The following PCSK5 variants were observed in gnomAD, a reference collection of about 807,000 sequenced individuals.
PCSK5 encodes proprotein convertase subtilisin/kexin type 5.
Under a neutral mutation model 233.2 loss-of-function variants are expected in PCSK5, and 129 were observed. The observed-to-expected ratio is 0.55, with a 90% confidence interval of 0.48 to 0.64. The LOEUF (loss-of-function observed/expected upper bound fraction) is 0.64. Among genes scored for constraint, PCSK5 ranks in the 30% least tolerant of loss-of-function variants. PCSK5 has a pLI of 0.00. For missense variants in PCSK5, 2,076 were observed against 2,430.1 expected, an observed-to-expected ratio of 0.85 and a Z score of 3.06; for synonymous variants, 825 against 879.2, an observed-to-expected ratio of 0.94 and a Z score of 1.09.
At chr9:76,052,437 T>C (rs532795039) in intron 5 of PCSK5, among the ~76,000 whole-genome samples, 102 of 152,320 alleles carry the variant, frequency 6.7e-4, no homozygotes, top group African/African-American at 2.4e-3. Flanking sequence ...ATGTCTTACA[T>C]GGCAACAGGC....
intron 5 of PCSK5, among the ~76,000 whole-genome samples, chr9:76,049,230 C>T (rs1259697638): frequency 2.6e-5 from 4 of 152,138 alleles, no homozygotes; most frequent in Non-Finnish European, 4.4e-5. Flanking sequence ...TAAGCTCATG[C>T]AAATACCATC....
intron 10 of PCSK5, among the ~76,000 whole-genome samples, chr9:76,144,753 G>T (rs906497346): frequency 5.9e-5 from 9 of 152,200 alleles, no homozygotes; most frequent in African/African-American, 2.2e-4. Flanking sequence ...TTAATCTGCA[G>T]CCATTGCTTC....
chr9:76,170,848 T>A (rs1294252293), intron 13 of PCSK5, among the ~76,000 whole-genome samples: 3 of 152,176 alleles, frequency 2.0e-5, no homozygotes, highest in African/African-American at 7.2e-5. Flanking sequence ...TTTGCCAGAC[T>A]TTTGCCTGCC....
intron 8 of PCSK5, among the ~76,000 whole-genome samples, chr9:76,101,931 C>T (rs1015994061): frequency 6.6e-6 from 1 of 152,186 alleles, no homozygotes; most frequent in African/African-American, 2.4e-5. Flanking sequence ...TCCATTTCTT[C>T]TTTTGACTTA....
intron 1 of PCSK5, among the ~76,000 whole-genome samples, chr9:75,911,158 G>C (rs1433511553): frequency 8.1e-6 from 1 of 123,646 alleles, no homozygotes; most frequent in African/African-American, 3.0e-5. Context: ...CATGAAACAA[G>C]AACTATTTTG....
intron 2 of PCSK5, among the ~76,000 whole-genome samples, chr9:75,980,944 C>G (rs1231203144): frequency 5.9e-5 from 9 of 152,136 alleles, no homozygotes; most frequent in Admixed American, 5.9e-4. Flanking sequence ...AAACAACACC[C>G]AAGATGCTCT....
rs1564189490 is a variant in PCSK5, at chr9:76,338,343, T to C, written c.4862T>C (p.Leu1621Pro). The part of the protein sequence containing the change: ...CLSCDRFFFL[L>P]RSKGECHRSC... Reference sequence around the variant, plus strand: ...TCTTGCGATAGATTTTTCTTTCTGCTCCGCTCCAAAGGAGAGTGTCATCGC... The same window carrying C: ...TCTTGCGATAGATTTTTCTTTCTGCCCCGCTCCAAAGGAGAGTGTCATCGC... Residue 1621 changes from leucine to proline, a missense_variant, in exon 35 of 38, where the codon CTC becomes CCC. Physicochemically the swap from Leu to Pro is moderately conservative, Grantham distance 98 (BLOSUM62 -3). Around this residue, in one of 6 missense-constraint regions of PCSK5, gnomAD observed 1,510 missense variants for 1,538.1 expected, o/e 0.98. Transcript: ENST00000674117. 1 of 1,612,644 alleles carries C rather than the reference T, an allele frequency of 6.2e-7. No individual in the cohort carries two copies. The highest frequency in any genetic ancestry group is 8.5e-7 in the Non-Finnish European group (1 of 1,179,764).
chr9:75,891,058 G>C lies in PCSK5; in HGVS notation c.-124G>C, dbSNP rs983388548. On this transcript the variant is annotated 5_prime_UTR_variant, in exon 1 of 38. Coordinates refer to ENST00000674117, the MANE Select transcript of PCSK5 (RefSeq NM_001372043.1). ...GCTAGCCGCCTCCTGCCGATCGCCCGGGGCTGCGAGCTGCGGCGGCCCGGG... is the reference window on the plus strand; with the variant it reads ...GCTAGCCGCCTCCTGCCGATCGCCCCGGGCTGCGAGCTGCGGCGGCCCGGG... The C allele has an allele frequency of 2.3e-6, 2 of 885,056 alleles. No homozygotes were observed. The highest frequency in any genetic ancestry group is 3.1e-6 in the Non-Finnish European group (2 of 645,482). The allele number at this position is 885,056 out of a possible 1,614,324, so 54.8% of individuals were successfully genotyped here. A position where few individuals can be genotyped will look rare whatever the true frequency, so the allele number is the denominator to read the frequency against.
chr9:76,077,860 A>G (rs1291508382), intron 7 of PCSK5, among the ~76,000 whole-genome samples: 2 of 152,212 alleles, frequency 1.3e-5, no homozygotes, highest in East Asian at 1.9e-4. Context: ...CAGCACTACA[A>G]TGAACATATG....
At chr9:76,010,614 C>G (rs1366035837) in intron 3 of PCSK5, among the ~76,000 whole-genome samples, 1 of 152,162 alleles carries the variant, frequency 6.6e-6, no homozygotes, top group Non-Finnish European at 1.5e-5. Context: ...ACATCTTTCT[C>G]CACTTTTTCC....
chr9:75,939,470 G>A (rs538340267), intron 2 of PCSK5, among the ~76,000 whole-genome samples: 5 of 152,262 alleles, frequency 3.3e-5, no homozygotes, highest in African/African-American at 2.4e-5. Context: ...AAATTTTGGT[G>A]AGCCACAAAC....
intron 32 of PCSK5, among the ~76,000 whole-genome samples, chr9:76,324,437 G>A (rs1192825166): frequency 4.6e-5 from 7 of 151,692 alleles, no homozygotes; most frequent in African/African-American, 1.5e-4. Context: ...CACCATGTTG[G>A]CCAGGCTGGT....
intron 20 of PCSK5, among the ~76,000 whole-genome samples, chr9:76,198,511 G>T (rs1219893963): frequency 3.9e-5 from 6 of 152,122 alleles, no homozygotes; most frequent in Non-Finnish European, 8.8e-5. Flanking sequence ...AAGGGGTGTG[G>T]CTGGGACTCA....
chr9:76,317,590 G>A (rs1829068334), intron 30 of PCSK5, among the ~76,000 whole-genome samples: 1 of 152,214 alleles, frequency 6.6e-6, no homozygotes, highest in Admixed American at 6.5e-5. Flanking sequence ...TGGGTTATTT[G>A]TTGCAGTTCT....
At chr9:76,318,231 C>T (rs1340294801) in intron 30 of PCSK5, among the ~76,000 whole-genome samples, 1 of 152,066 alleles carries the variant, frequency 6.6e-6, no homozygotes, top group Non-Finnish European at 1.5e-5. Context: ...AAATCAAACA[C>T]TGCATGTTCT....
At chr9:76,198,538 A>G (rs1194065201) in intron 20 of PCSK5, among the ~76,000 whole-genome samples, 1 of 152,198 alleles carries the variant, frequency 6.6e-6, no homozygotes, top group African/African-American at 2.4e-5. Context: ...CAGCTTCAAC[A>G]TTCTGTACAA....
chr9:76,023,248 G>T (rs1828278893), intron 3 of PCSK5, among the ~76,000 whole-genome samples: 1 of 152,204 alleles, frequency 6.6e-6, no homozygotes, highest in Non-Finnish European at 1.5e-5. Context: ...TGGTGGCGGA[G>T]AGATTTCTGT....
At chr9:76,116,119 TA>T (rs1158689240) in intron 9 of PCSK5, among the ~76,000 whole-genome samples, 2 of 151,988 alleles carry the variant, frequency 1.3e-5, no homozygotes, top group Non-Finnish European at 2.9e-5. Context: ...ATAAGGAAAA[TA>T]AAAATGACAG....
In PCSK5 at chr9:75,958,065, G is replaced by T. The variant is rs545175868; in HGVS notation, c.297+25582G>T. On this transcript the variant is annotated intron_variant, in intron 2 of 37. Coordinates refer to ENST00000674117, the MANE Select transcript of PCSK5 (RefSeq NM_001372043.1). ...GTTTGTTCCAGGCGGTTATTCATTA[G>T]GAACAATGTCTGCCCTATCTATCTA... Among the ~76,000 whole-genome samples the T allele has an allele frequency of 6.6e-5, 10 of 152,314 alleles. No homozygotes were observed. In the South Asian group the frequency reaches 2.1e-3, roughly 32 times the overall value.
Sources: gnomAD v4.1 joint callset for allele counts (sites outside exome capture counted in the v4.1 genomes callset) on GRCh38, gnomAD v4.1.1 for gene constraint, gnomAD v4.1.1 regional missense constraint, MANE v1.5 for transcripts, NCBI Gene and HGNC (gene_info 2026-07-23, HGNC 2026-07-21) for gene names.